Variants in RORA observed in about 807,000 individuals in gnomAD.
RORA encodes the protein nuclear receptor ROR-alpha.
Under a neutral mutation model 69.5 loss-of-function variants are expected in RORA, and 7 were observed. That is an observed-to-expected ratio of 0.10 (90% confidence interval 0.06 to 0.19). The LOEUF (loss-of-function observed/expected upper bound fraction) is 0.19, where lower values mean the gene tolerates loss of function less well. RORA is among the 10% of genes least tolerant of loss of function. The pLI, the probability that RORA is intolerant of heterozygous loss-of-function variation, is 1.00. For synonymous variants in RORA, 261 were observed against 240.8 expected (o/e 1.08, Z -0.78); for missense variants, 457 against 663.0 (o/e 0.69, Z 3.41).
intron 1 of RORA, among the ~76,000 whole-genome samples, chr15:61,032,295 T>C (rs933717145): frequency 2.6e-5 from 4 of 152,186 alleles, no homozygotes; most frequent in African/African-American, 7.2e-5. Flanking sequence ...GCCAGAAGTG[T>C]TGAACTGAAG....
chr15:61,170,385 G>C (rs1260509364), intron 1 of RORA, among the ~76,000 whole-genome samples: 2 of 152,110 alleles, frequency 1.3e-5, no homozygotes, highest in South Asian at 2.1e-4. Flanking sequence ...TTCTCTTCCT[G>C]TTTGTGTGTC....
intron 1 of RORA, among the ~76,000 whole-genome samples, chr15:60,703,030 A>G (rs2071006705): frequency 1.3e-5 from 2 of 152,250 alleles, no homozygotes; most frequent in African/African-American, 4.8e-5. Context: ...TTGCAAAGTA[A>G]TTAAGTTTAG....
At chr15:60,648,365 C>T (rs2140689997) in intron 2 of RORA, among the ~76,000 whole-genome samples, 1 of 152,242 alleles carries the variant, frequency 6.6e-6, no homozygotes, top group African/African-American at 2.4e-5. Flanking sequence ...TCAGAAAATA[C>T]AAAAAATAAT....
intron 1 of RORA, among the ~76,000 whole-genome samples, chr15:61,162,329 GGT>G (rs2079502895): frequency 1.3e-5 from 2 of 152,142 alleles, no homozygotes; most frequent in African/African-American, 4.8e-5. Flanking sequence ...CAGTGGTCAT[GGT>G]TTCAAATGAA....
At chr15:60,871,758 T>G (rs2140436440) in intron 1 of RORA, among the ~76,000 whole-genome samples, 1 of 152,320 alleles carries the variant, frequency 6.6e-6, no homozygotes, top group South Asian at 2.1e-4. Flanking sequence ...TTAAAAACTT[T>G]AAGGATGTTA....
chr15:60,929,348 C>G (rs1892308375), intron 1 of RORA, among the ~76,000 whole-genome samples: 1 of 152,124 alleles, frequency 6.6e-6, no homozygotes, highest in Non-Finnish European at 1.5e-5. Context: ...GACAAATAAG[C>G]TATGAAGTCT....
At chr15:60,892,088 G>T (rs1223694128) in intron 1 of RORA, among the ~76,000 whole-genome samples, 1 of 152,248 alleles carries the variant, frequency 6.6e-6, no homozygotes, top group Non-Finnish European at 1.5e-5. Flanking sequence ...CCATTGGAAA[G>T]ACTGCTGCAG....
chr15:61,110,349 C>G (rs1320425292), intron 1 of RORA, among the ~76,000 whole-genome samples: 5 of 146,310 alleles, frequency 3.4e-5, no homozygotes, highest in Non-Finnish European at 7.6e-5. Context: ...GAGCTGAGAT[C>G]ACACCTCTAT....
At chr15:60,787,879 C>T (rs1353976621) in intron 1 of RORA, among the ~76,000 whole-genome samples, 1 of 152,204 alleles carries the variant, frequency 6.6e-6, no homozygotes, top group Admixed American at 6.5e-5. Flanking sequence ...CATGTATTAA[C>T]ATTCAACAAA....
intron 1 of RORA, among the ~76,000 whole-genome samples, chr15:60,924,580 G>A (rs1892152429): frequency 6.6e-6 from 1 of 151,858 alleles, no homozygotes; most frequent in Non-Finnish European, 1.5e-5. Flanking sequence ...TCTTGTCCTT[G>A]GATAAGTCAC....
At chr15:61,093,790 C>T (rs1268543716) in intron 1 of RORA, among the ~76,000 whole-genome samples, 3 of 152,206 alleles carry the variant, frequency 2.0e-5, no homozygotes, top group African/African-American at 7.2e-5. Flanking sequence ...GGCACATTTT[C>T]TCTTGTTCCA....
At chr15:60,942,531 A>T (rs757690275) in intron 1 of RORA, among the ~76,000 whole-genome samples, 3 of 152,228 alleles carry the variant, frequency 2.0e-5, no homozygotes, top group African/African-American at 7.2e-5. Flanking sequence ...ACTTTGCTTC[A>T]CATTAGGGAT....
Position 60,975,723 on chromosome 15 carries a change from T to C in RORA, c.166+253330A>G, listed in dbSNP as rs116594845. ...AGTCAGAGGATGAAGAGTGAATGAA[T>C]GGAAAATAACTGATACAGTGTTAGG... On this transcript the variant is annotated intron_variant, in intron 1 of 10. Transcript: ENST00000335670. 5.2e-3 allele frequency among the ~76,000 whole-genome samples: 794 copies of C among 152,186 alleles called. 7 individuals carry two copies. Among genetic ancestry groups the C allele is most frequent in the African/African-American group, 0.019 (769 of 41,520 alleles).
chr15:60,919,488 G>T (rs12324722), intron 1 of RORA, among the ~76,000 whole-genome samples: 12 of 152,162 alleles, frequency 7.9e-5, no homozygotes, highest in South Asian at 2.1e-4. Flanking sequence ...ATTGAGACTA[G>T]GCTACTATAG....
At chr15:61,021,915 G>A (rs1374484601) in intron 1 of RORA, among the ~76,000 whole-genome samples, 2 of 152,128 alleles carry the variant, frequency 1.3e-5, no homozygotes, top group Non-Finnish European at 2.9e-5. Flanking sequence ...TTTGAGGGCG[G>A]GCACTATACA....
intron 3 of RORA, among the ~76,000 whole-genome samples, chr15:60,518,113 C>T (rs774733923): frequency 6.6e-6 from 1 of 152,206 alleles, no homozygotes; most frequent in Non-Finnish European, 1.5e-5. Flanking sequence ...GTCCTCCCAC[C>T]TCGGTCCCCC....
chr15:61,039,693 C>A (rs1896639292), intron 1 of RORA, among the ~76,000 whole-genome samples: 1 of 139,022 alleles, frequency 7.2e-6, no homozygotes, highest in African/African-American at 2.8e-5. Context: ...TACAGTGAGC[C>A]AAGATTGCAC....
intron 1 of RORA, among the ~76,000 whole-genome samples, chr15:60,922,615 T>C (rs1316509832): frequency 2.0e-5 from 3 of 152,258 alleles, no homozygotes; most frequent in Admixed American, 6.5e-5. Flanking sequence ...CAAGGTATAC[T>C]TAGTATGCAT....
chr15:60,946,710 CG>C (rs916753678), intron 1 of RORA, among the ~76,000 whole-genome samples: 3 of 151,524 alleles, frequency 2.0e-5, no homozygotes, highest in African/African-American at 7.3e-5. Context: ...AAGTGAGGAG[CG>C]TCTCTGCCTG....
Sources: allele counts gnomAD v4.1 joint callset (sites outside exome capture counted in the v4.1 genomes callset), GRCh38; gene constraint gnomAD v4.1.1; transcripts MANE v1.5; gene names NCBI Gene and HGNC (gene_info 2026-07-23, HGNC 2026-07-21).